TBC1D1: variants seen among roughly 807,000 people sequenced by gnomAD.
The protein encoded by TBC1D1 is TBC1 (tre-2/USP6, BUB2, cdc16) domain family, member 1.
In TBC1D1, 89 loss-of-function variants were observed where a neutral mutation model predicts 125.6. The ratio of observed to expected loss-of-function variants is 0.71; its 90% CI spans 0.60 to 0.85. The LOEUF (loss-of-function observed/expected upper bound fraction) is 0.85. Ranked by LOEUF, TBC1D1 falls within the 40% of genes least tolerant of loss-of-function variation. The pLI, the probability that TBC1D1 is intolerant of heterozygous loss-of-function variation, is 0.00. For synonymous variants in TBC1D1, 565 were observed against 564.1 expected (o/e 1.00, Z -0.02); for missense variants, 1,377 against 1,469.2 (o/e 0.94, Z 1.03).
chr4:38,133,064 G>T lies in TBC1D1; in HGVS notation c.3133-20G>T. ...GTTTTTCTCAGTTTTAGTACGTGAT[G>T]ACTTTTCTTTCTATAACAGGTATTT... On this transcript the variant is annotated intron_variant, in intron 18 of 19. Transcript: ENST00000261439. 1.2e-6 allele frequency: 2 copies of T among 1,600,710 alleles called. No homozygotes were observed. The highest frequency in any genetic ancestry group is 2.3e-5 in the South Asian group (2 of 88,770).
chr4:37,994,534 A>G (rs1282902560), intron 2 of TBC1D1, among the ~76,000 whole-genome samples: 1 of 152,214 alleles, frequency 6.6e-6, no homozygotes, highest in Non-Finnish European at 1.5e-5. Context: ...GTGAACCACC[A>G]TGCCCAGCCT....
chr4:38,056,054 T>C (rs1382892209), intron 12 of TBC1D1, among the ~76,000 whole-genome samples: 1 of 152,224 alleles, frequency 6.6e-6, no homozygotes, highest in Non-Finnish European at 1.5e-5. Flanking sequence ...AGATGACTGC[T>C]TGCTCCATCA....
chr4:38,051,958 C>T (rs1750639902), intron 11 of TBC1D1: 1 of 1,550,628 alleles, frequency 6.4e-7, no homozygotes, highest in African/African-American at 1.4e-5. Flanking sequence ...TCAGCTCCTG[C>T]TCCTCCACCT....
At chr4:38,018,512 A>T in intron 4 of TBC1D1, 69 bp downstream of exon 4, 1 of 982,932 alleles carries the variant, frequency 1.0e-6, no homozygotes, top group Non-Finnish European at 1.6e-6. Context: ...AATATCTATC[A>T]TGTAACAAAT....
chr4:38,103,150 T>C lies in TBC1D1; in HGVS notation c.2550T>C (p.Ile850=). The C allele has an allele frequency of 6.2e-7, 1 of 1,610,842 alleles. No homozygotes were observed. The highest frequency in any genetic ancestry group is 1.3e-5 in the African/African-American group (1 of 74,900). ...CTTCCCAGCAGCATGCGATTCTTAT[T>C]GACCTTGGTAAGTCTGTGCCATCGA... The change falls in exon 15 of 20, where the codon ATT becomes ATC. Residue 850 remains isoleucine (I), a synonymous_variant. Transcript: ENST00000261439.
chr4:37,960,498 G>A (rs771606980), intron 2 of TBC1D1: 22 of 1,613,988 alleles, frequency 1.4e-5, no homozygotes, highest in Non-Finnish European at 1.8e-5. Context: ...GGCTGCCAAG[G>A]ATGTGCTGAA....
chr4:38,123,340 T>A (rs1282638816), intron 17 of TBC1D1, among the ~76,000 whole-genome samples: 1 of 152,262 alleles, frequency 6.6e-6, no homozygotes, highest in Non-Finnish European at 1.5e-5. Context: ...AACTTCAAAT[T>A]TACTTTAGAG....
chr4:38,060,739 G>T (rs539933869), intron 12 of TBC1D1: 3 of 910,312 alleles, frequency 3.3e-6, no homozygotes, highest in South Asian at 2.9e-5. Flanking sequence ...TCAGATCATG[G>T]TTTAGAGCGG....
intron 2 of TBC1D1, among the ~76,000 whole-genome samples, chr4:37,927,397 G>A (rs187574397): frequency 6.2e-4 from 95 of 152,220 alleles, no homozygotes; most frequent in African/African-American, 2.2e-3. Context: ...GGACTACTAG[G>A]TTTCAAGTGT....
rs972907211 is a variant in TBC1D1, at chr4:38,069,040, A to G, written c.2050+14702A>G. 4.6e-5 allele frequency among the ~76,000 whole-genome samples: 7 copies of G among 152,350 alleles called. No homozygotes were observed. In the East Asian group the frequency reaches 1.2e-3, roughly 25 times the overall value. Reference sequence around the variant, plus strand: ...TAGTGTTACTGGATATGTAAAAGCTATTGAGCCCAGTGCTTTCAAGGAATC... The same window carrying G: ...TAGTGTTACTGGATATGTAAAAGCTGTTGAGCCCAGTGCTTTCAAGGAATC... On this transcript the variant is annotated intron_variant, in intron 12 of 19. Coordinates refer to ENST00000261439, the MANE Select transcript of TBC1D1 (RefSeq NM_015173.4).
At chr4:37,951,288 G>A (rs1727812901) in intron 2 of TBC1D1, among the ~76,000 whole-genome samples, 1 of 152,150 alleles carries the variant, frequency 6.6e-6, no homozygotes, top group South Asian at 2.1e-4. Context: ...GAAGAGAAGT[G>A]GGTGTGGATA....
intron 12 of TBC1D1, among the ~76,000 whole-genome samples, chr4:38,064,344 C>T (rs926364382): frequency 3.9e-5 from 6 of 151,954 alleles, no homozygotes; most frequent in African/African-American, 1.5e-4. Context: ...GGAAACTCCT[C>T]CTCCAGGGGG....
chr4:38,128,744 C>T (rs1362613149), intron 18 of TBC1D1, among the ~76,000 whole-genome samples: 1 of 152,144 alleles, frequency 6.6e-6, no homozygotes, highest in African/African-American at 2.4e-5. Flanking sequence ...GGACAGAAGA[C>T]CAAGGGTGTC....
At chr4:38,025,478 G>C (rs1343711491) in intron 6 of TBC1D1, among the ~76,000 whole-genome samples, 1 of 152,196 alleles carries the variant, frequency 6.6e-6, no homozygotes, top group Non-Finnish European at 1.5e-5. Context: ...AGGACCTCAT[G>C]AATTAGGCAT....
At position 38,059,369 on chromosome 4, in the gene TBC1D1, T is replaced by C. The variant is rs769059508; in HGVS notation, c.2050+5031T>C. The stretch of plus-strand genomic sequence containing the variant: ...GTCACGTGCACAGCAGGTACTACAT[T>C]GAAGGGAAATTGTATGATAAATAGG... On this transcript the variant is annotated intron_variant, in intron 12 of 19. Coordinates refer to ENST00000261439, the MANE Select transcript of TBC1D1 (RefSeq NM_015173.4). Among the ~76,000 whole-genome samples, 4 of 152,170 alleles carry C rather than the reference T, an allele frequency of 2.6e-5. No individual in the cohort carries two copies. The South Asian group carries it at 6.2e-4, about 24-fold the overall frequency.
At chr4:38,096,229 A>G in intron 14 of TBC1D1, 139 bp downstream of exon 16, 1 of 636,366 alleles carries the variant, frequency 1.6e-6, no homozygotes, top group South Asian at 2.7e-5. Flanking sequence ...ATTTCCATAT[A>G]CCTTACTTAA....
chr4:38,007,066 G>A (rs1009186230), intron 2 of TBC1D1: 1 of 368,580 alleles, frequency 2.7e-6, no homozygotes, highest in Admixed American at 3.2e-5. Context: ...TGAGCACTGA[G>A]ACGAGACATG....
rs1247543196 is a variant in TBC1D1 at position 38,092,748 on chromosome 4, AAAAG to A, written c.2236+2638_2236+2641del. The stretch of plus-strand genomic sequence containing the variant: ...AGACTCCATCTTAAAAAAAAAAAAA[AAAAG>A]AAAGAAGTAATTATTTTTCCACTTA... On this transcript the variant is annotated intron_variant, in intron 13 of 19. Transcript: ENST00000261439. 6.8e-3 allele frequency among the ~76,000 whole-genome samples: 1,033 copies of A among 151,576 alleles called. 8 individuals are homozygous for A. The highest frequency in any genetic ancestry group is 0.023 in the African/African-American group (946 of 41,252).
At chr4:38,135,517 A>G (rs1766350671) in intron 19 of TBC1D1, among the ~76,000 whole-genome samples, 1 of 152,252 alleles carries the variant, frequency 6.6e-6, no homozygotes, top group Admixed American at 6.5e-5. Context: ...TTAATGCAGA[A>G]TAGCAAATGA....
Sources: gnomAD v4.1 joint callset for allele counts (sites outside exome capture counted in the v4.1 genomes callset) on GRCh38, gnomAD v4.1.1 for gene constraint, MANE v1.5 for transcripts, NCBI Gene and HGNC (gene_info 2026-07-23, HGNC 2026-07-21) for gene names.